ATP8B3: variants seen among roughly 807,000 people sequenced by gnomAD.
ATP8B3 encodes phospholipid-transporting ATPase IK.
Under a neutral mutation model 140.9 loss-of-function variants are expected in ATP8B3, and 141 were observed. The ratio of observed to expected loss-of-function variants is 1.00; its 90% CI spans 0.87 to 1.15. ATP8B3 has a LOEUF of 1.15. Ranked by LOEUF, ATP8B3 falls within the 50% of genes most tolerant of loss-of-function variation. The pLI is 0.00. For missense variants in ATP8B3, 1,874 were observed against 1,740.6 expected (o/e 1.08, Z -1.36); for synonymous variants, 765 against 714.6 (o/e 1.07, Z -1.13).
Position 1,800,757 on chromosome 19 carries a change from G to A in ATP8B3, c.1153-308C>T, listed in dbSNP as rs895267784. ...GAGGATCGCTTGAGCCCAGGAGGCTGCAGTGAGATATCATGGCGCCACTGC... is the reference window on the plus strand; with the variant it reads ...GAGGATCGCTTGAGCCCAGGAGGCTACAGTGAGATATCATGGCGCCACTGC... On this transcript the variant is annotated intron_variant, in intron 12 of 28. Coordinates refer to ENST00000310127, the MANE Select transcript of ATP8B3 (RefSeq NM_138813.4). This position sits in a 1 kb window ranked among gnomAD's most constrained non-coding sequence, Gnocchi z 4.4. Among the ~76,000 whole-genome samples, 1 of 152,140 alleles carries A rather than the reference G, an allele frequency of 6.6e-6. No individual in the cohort carries two copies. The highest frequency in any genetic ancestry group is 1.5e-5 in the Non-Finnish European group (1 of 68,012).
intron 25 of ATP8B3, among the ~76,000 whole-genome samples, 183 bp downstream of exon 25, chr19:1,786,920 C>T (rs951177560): frequency 4.6e-5 from 7 of 152,156 alleles, no homozygotes; most frequent in South Asian, 2.1e-4. Flanking sequence ...CCGGGATGAG[C>T]GTAGGCTCCG....
chr19:1,800,557 TG>T lies in ATP8B3; in HGVS notation c.1153-109del, dbSNP rs2068815701. 1 of 1,020,176 alleles carries T rather than the reference TG, an allele frequency of 9.8e-7. No individual in the cohort carries two copies. Among genetic ancestry groups the T allele is most frequent in the East Asian group, 2.4e-5 (1 of 41,450 alleles). 63.2% of individuals were successfully genotyped at this position (1,020,176 alleles called of 1,614,324 possible). A position where few individuals can be genotyped will look rare whatever the true frequency, so the allele number is the denominator to read the frequency against. The stretch of plus-strand genomic sequence containing the variant: ...GGCTGGGGCTGGGCACAGTGGCTCA[TG>T]CCTGTAATCTCAGCACTTCAGGAGG... On this transcript the variant is annotated intron_variant, in intron 12 of 28. Coordinates refer to ENST00000310127, the MANE Select transcript of ATP8B3 (RefSeq NM_138813.4). This position sits in a 1 kb window ranked among gnomAD's most constrained non-coding sequence, Gnocchi z 4.4.
At chr19:1,809,798 C>T in intron 3 of ATP8B3, 64 bp from the exon 4 acceptor site, 5 of 1,461,698 alleles carry the variant, frequency 3.4e-6, no homozygotes, top group Non-Finnish European at 4.7e-6. Flanking sequence ...CTAATGACCG[C>T]CCGGAGGAGG....
intron 14 of ATP8B3, chr19:1,799,084 A>G (rs1200989395): frequency 2.0e-5 from 3 of 152,012 alleles, no homozygotes; most frequent in Admixed American, 2.0e-4. Flanking sequence ...TCGAGGCTGC[A>G]ATAAGCTATG....
Position 1,807,348 on chromosome 19 carries a change from C to T in ATP8B3, c.517-82G>A, listed in dbSNP as rs1286187057. On this transcript the variant is annotated intron_variant, in intron 5 of 28. Coordinates refer to ENST00000310127, the MANE Select transcript of ATP8B3 (RefSeq NM_138813.4). This position sits in a 1 kb window ranked among gnomAD's most constrained non-coding sequence, Gnocchi z 5.9. ...CTTCCACCAAGCCGACCTAGCCCCGCACTCGACACCACGTGACACATCTGC... is the reference window on the plus strand; with the variant it reads ...CTTCCACCAAGCCGACCTAGCCCCGTACTCGACACCACGTGACACATCTGC... The T allele has an allele frequency of 1.8e-6, 2 of 1,095,802 alleles. No homozygotes were observed. Among genetic ancestry groups the T allele is most frequent in the Non-Finnish European group, 2.7e-6 (2 of 731,340 alleles). 67.9% of individuals were successfully genotyped at this position (1,095,802 alleles called of 1,614,324 possible).
rs12972149 is a variant in ATP8B3, at chr19:1,806,205, C to G, written c.678-36G>C. 6.4e-7 allele frequency: 1 copy of G among 1,557,912 alleles called. No individual in the cohort carries two copies. The highest frequency in any genetic ancestry group is 8.7e-7 in the Non-Finnish European group (1 of 1,152,652). ...AGGGGGTTGTGAAGGAGGCCCCTCC[C>G]TCTGCCAACCCTCCCCACACCGGGA... On this transcript the variant is annotated intron_variant, in intron 7 of 28. Transcript: ENST00000310127. This position sits in a 1 kb window ranked among gnomAD's most constrained non-coding sequence, Gnocchi z 5.6.
At chr19:1,803,219 G>A (rs972478828) in intron 10 of ATP8B3, among the ~76,000 whole-genome samples, 5 of 152,132 alleles carry the variant, frequency 3.3e-5, no homozygotes, top group Admixed American at 6.5e-5. Context: ...AGACTGGCCC[G>A]GGGCAGCATT....
chr19:1,807,750 G>C lies in ATP8B3; in HGVS notation c.516+472C>G, dbSNP rs1447619996. ...AGAACAGAAATGAGATGTTGGGTGAGAGTGTTTGCTCTGAAAACAGCGCCC... is the reference window on the plus strand; with the variant it reads ...AGAACAGAAATGAGATGTTGGGTGACAGTGTTTGCTCTGAAAACAGCGCCC... On this transcript the variant is annotated intron_variant, in intron 5 of 28. Transcript: ENST00000310127. This position sits in a 1 kb window ranked among gnomAD's most constrained non-coding sequence, Gnocchi z 5.9. Among the ~76,000 whole-genome samples the C allele has an allele frequency of 1.3e-5, 2 of 152,286 alleles. No individual in the cohort carries two copies. Among genetic ancestry groups the C allele is most frequent in the Non-Finnish European group, 2.9e-5 (2 of 68,054 alleles).
At chr19:1,790,128 C>T (rs2068447723) in intron 21 of ATP8B3, 139 bp from the exon 22 acceptor site, 3 of 620,624 alleles carry the variant, frequency 4.8e-6, no homozygotes, top group Non-Finnish European at 5.7e-6. Context: ...TCCCTCTTCC[C>T]CTCCCCTTTC....
intron 20 of ATP8B3, 148 bp from the exon 21 acceptor site, chr19:1,790,980 C>T: frequency 1.4e-6 from 1 of 693,552 alleles, no homozygotes; most frequent in Non-Finnish European, 2.4e-6. Context: ...CAGAGAAGGG[C>T]TTGTAACCCA....
Position 1,807,203 on chromosome 19 carries a change from AGAG to A in ATP8B3, c.577_579del (p.Leu193del). The A allele has an allele frequency of 6.2e-7, 1 of 1,612,874 alleles. No individual in the cohort carries two copies. The highest frequency in any genetic ancestry group is 8.5e-7 in the Non-Finnish European group (1 of 1,179,648). On this transcript the variant is annotated inframe_deletion, in exon 6 of 29. Coordinates refer to ENST00000310127, the MANE Select transcript of ATP8B3 (RefSeq NM_138813.4). This position sits in a 1 kb window ranked among gnomAD's most constrained non-coding sequence, Gnocchi z 5.9. ...ACCAGGTCCCGGGTGGCACGGATGA[AGAG>A]GAGGCAGACCATAGGGGTACTGAGC...
At position 1,808,226 on chromosome 19, in the gene ATP8B3, A is replaced by C; in HGVS notation, c.512T>G (p.Leu171Arg). Residue 171 changes from leucine (L) to arginine (R), a missense_variant, in exon 5 of 29, where the codon CTG becomes CGG. This residue lies in a region of ATP8B3 where 1,032 missense variants were observed against 963.6 expected (regional missense o/e 1.07). Transcript: ENST00000310127. ...SNLFFLIIII[L>R]QSIPDISTLP... is the part of the protein sequence containing the mutation. The stretch of plus-strand genomic sequence containing the variant: ...GGAGGAGGCAACACGCCTCACCTGC[A>C]GGATGATGATGATGAGGAAGAACAG... The C allele has an allele frequency of 6.2e-7, 1 of 1,609,574 alleles. No individual in the cohort carries two copies. The highest frequency in any genetic ancestry group is 8.5e-7 in the Non-Finnish European group (1 of 1,177,042).
intron 24 of ATP8B3, 134 bp from the exon 25 acceptor site, chr19:1,787,320 G>T: frequency 1.5e-6 from 1 of 665,370 alleles, no homozygotes; most frequent in Non-Finnish European, 2.6e-6. Flanking sequence ...GGCTGGGACT[G>T]GGGTGGGGTG....
chr19:1,798,652 G>A (rs1336117255), intron 14 of ATP8B3: 2 of 151,688 alleles, frequency 1.3e-5, no homozygotes, highest in South Asian at 4.2e-4. Context: ...GCAGGAGAAT[G>A]GCGTGAACCC....
intron 5 of ATP8B3, 124 bp downstream of exon 5, chr19:1,808,098 G>A (rs1027437142): frequency 1.4e-6 from 1 of 736,230 alleles, no homozygotes; most frequent in Non-Finnish European, 2.3e-6. Context: ...AGGGTAGTAG[G>A]GACTCAGCGC....
intron 25 of ATP8B3, 87 bp downstream of exon 25, chr19:1,787,016 G>T: frequency 1.5e-6 from 2 of 1,313,638 alleles, no homozygotes; most frequent in South Asian, 1.3e-5. Flanking sequence ...GGTCTCCCAG[G>T]CTCCCTCTCC....
rs1387621391 is a variant in ATP8B3, at chr19:1,796,873, G to T, written c.1591C>A (p.Pro531Thr). 8 of 1,611,884 alleles carry T rather than the reference G, an allele frequency of 5.0e-6. 1 individual carries two copies. The highest frequency in any genetic ancestry group is 6.8e-6 in the Non-Finnish European group (8 of 1,179,278). Reference sequence around the variant, plus strand: ...TCGGCGAACTTGTTCCAGAGGTAGGGGTTCTCCTGGGGGTGGCGGGGGCAC... The same window carrying T: ...TCGGCGAACTTGTTCCAGAGGTAGGTGTTCTCCTGGGGGTGGCGGGGGCAC... Reference protein sequence around the residue: ...SEATTRPKENPYLWNKFADGK... With the variant: ...SEATTRPKENTYLWNKFADGK... Residue 531 changes from proline (P) to threonine (T), a missense_variant, in exon 16 of 29, where the codon CCC becomes ACC. Pro to Thr is a conservative substitution (Grantham distance 38). This residue lies in a region of ATP8B3 where 1,032 missense variants were observed against 963.6 expected (regional missense o/e 1.07). Coordinates refer to ENST00000310127, the MANE Select transcript of ATP8B3 (RefSeq NM_138813.4).
chr19:1,806,057 G>A lies in ATP8B3; in HGVS notation c.750+40C>T, dbSNP rs200585491. ...CTGGGAGGGGTGCTCTCGGTGAGGGGGCGCGTGGTTCTGGGACCTCGGGGT... is the reference window on the plus strand; with the variant it reads ...CTGGGAGGGGTGCTCTCGGTGAGGGAGCGCGTGGTTCTGGGACCTCGGGGT... On this transcript the variant is annotated intron_variant, in intron 8 of 28. Transcript: ENST00000310127. The surrounding 1 kb of genome is among the most constrained non-coding windows in gnomAD (Gnocchi z 5.6). 803 of 1,602,962 alleles carry A rather than the reference G, an allele frequency of 5.0e-4. 5 individuals are homozygous for A. The African/African-American group carries it at 8.2e-3, about 16-fold the overall frequency.
At chr19:1,795,818 CACACACACACACACACACACACA>C (rs2068647626) in intron 18 of ATP8B3, 34 bp downstream of exon 18, 1 of 1,096,198 alleles carries the variant, frequency 9.1e-7, no homozygotes, top group South Asian at 1.4e-5. Flanking sequence ...CACACACACA[CACACACACACACACACACACACA>C]CACACATAAG....
Sources: allele counts gnomAD v4.1 joint callset (sites outside exome capture counted in the v4.1 genomes callset), GRCh38; gene constraint gnomAD v4.1.1; regional missense constraint gnomAD v4.1.1; non-coding constraint Gnocchi (gnomAD v3.1); transcripts MANE v1.5; gene names NCBI Gene and HGNC (gene_info 2026-07-23, HGNC 2026-07-21).